Variants in ARMC2 observed in about 807,000 individuals in gnomAD.
ARMC2 encodes armadillo repeat containing 2.
ARMC2 carries 67 observed loss-of-function variants against 90.3 expected under a neutral mutation model. The observed-to-expected ratio is 0.74, with a 90% confidence interval of 0.61 to 0.91. The LOEUF (loss-of-function observed/expected upper bound fraction) is 0.91, where lower values mean the gene tolerates loss of function less well. Ranked by LOEUF, ARMC2 falls within the 40% of genes least tolerant of loss-of-function variation. The pLI, the probability that ARMC2 is intolerant of heterozygous loss-of-function variation, is 0.00. For synonymous variants in ARMC2, 393 were observed against 393.0 expected, an observed-to-expected ratio of 1.00 and a Z score of 0.00; for missense variants, 920 against 1,030.9, an observed-to-expected ratio of 0.89 and a Z score of 1.47.
downstream of ARMC2, among the ~76,000 whole-genome samples, chr6:108,974,969 C>T (rs905199579): frequency 9.3e-5 from 14 of 150,524 alleles, no homozygotes; most frequent in African/African-American, 1.5e-4. Flanking sequence ...CAGCTACTCG[C>T]GAGGCTGAGG....
At chr6:109,044,155 T>TA in the ARMC2 span, among the ~76,000 whole-genome samples, 6 of 144,788 alleles carry the variant, frequency 4.1e-5, no homozygotes, top group African/African-American at 5.1e-5. Context: ...CTACTACAAA[T>TA]AAAAAAAAAA....
intron 13 of ARMC2, among the ~76,000 whole-genome samples, 169 bp from the exon 14 acceptor site, chr6:108,961,403 T>G (rs1777988004): frequency 6.6e-6 from 1 of 152,210 alleles, no homozygotes; most frequent in East Asian, 1.9e-4. Flanking sequence ...GGCATTTCCG[T>G]GCAGGAGGAG....
chr6:108,919,099 A>C (rs938244563), intron 10 of ARMC2, among the ~76,000 whole-genome samples: 3 of 151,170 alleles, frequency 2.0e-5, no homozygotes, highest in Non-Finnish European at 4.4e-5. Flanking sequence ...TCTCAGAGCC[A>C]GCTATTCTTT....
chr6:108,867,478 C>T (rs906585462), intron 3 of ARMC2, among the ~76,000 whole-genome samples: 1 of 152,008 alleles, frequency 6.6e-6, no homozygotes, highest in Admixed American at 6.6e-5. Flanking sequence ...AAAAATAAAA[C>T]ATTTTCGGCT....
At chr6:108,998,890 G>T in the ARMC2 span, 1 of 1,063,622 alleles carries the variant, frequency 9.4e-7, no homozygotes, top group Non-Finnish European at 1.3e-6. Context: ...TTTGAAACAT[G>T]TAGAACCCAG....
At chr6:109,015,803 G>GAA in the ARMC2 span, among the ~76,000 whole-genome samples, 1 of 152,108 alleles carries the variant, frequency 6.6e-6, no homozygotes, top group South Asian at 2.1e-4. Context: ...TATGCAAGTA[G>GAA]AAAATATTTC....
intron 12 of ARMC2, among the ~76,000 whole-genome samples, chr6:108,947,731 C>G (rs950944485): frequency 6.6e-6 from 1 of 151,758 alleles, no homozygotes; most frequent in African/African-American, 2.4e-5. Context: ...ATCTGTTTGT[C>G]TAAGCTCTGG....
chr6:109,027,195 G>C, the ARMC2 span, among the ~76,000 whole-genome samples: 1 of 151,760 alleles, frequency 6.6e-6, no homozygotes. Flanking sequence ...CATCTTGGCT[G>C]GGGGTGGTGG....
Position 108,964,199 on chromosome 6 carries a change from G to A in ARMC2, c.2172G>A (p.Ala724=), listed in dbSNP as rs762725128. 36 of 1,613,682 alleles carry A rather than the reference G, an allele frequency of 2.2e-5. 1 individual carries two copies. In the South Asian group the frequency reaches 2.4e-4, roughly 11 times the overall value. Residue 724 remains alanine, a synonymous_variant, in exon 16 of 18, where the codon GCG becomes GCA. Transcript: ENST00000392644. ...VQNNVHRFMM[A]LLDAQHQDIC... is the part of the protein sequence containing the mutation. ...TCGTAGTCCACAGGTTCATGATGGC[G>A]CTGCTGGATGCTCAGCATCAGGATA... is the stretch of plus-strand genomic sequence containing the variant.
chr6:109,011,876 G>A, the ARMC2 span, among the ~76,000 whole-genome samples: 30 of 152,068 alleles, frequency 2.0e-4, no homozygotes, highest in Admixed American at 4.6e-4. Context: ...CAATTTTCCC[G>A]CCTTTGCCTC....
chr6:108,896,520 G>A (rs1771629405), intron 6 of ARMC2, among the ~76,000 whole-genome samples: 1 of 152,172 alleles, frequency 6.6e-6, no homozygotes, highest in Non-Finnish European at 1.5e-5. Flanking sequence ...CGTGAATGAA[G>A]AGGTGGAAAG....
intron 1 of ARMC2, 111 bp downstream of exon 1, chr6:108,848,657 C>A (rs1184839046): frequency 6.6e-6 from 1 of 152,466 alleles, no homozygotes; most frequent in Non-Finnish European, 1.5e-5. Flanking sequence ...GCTGCCGGGG[C>A]GGCGGCGGGA....
chr6:108,880,793 T>TTC (rs398002573), intron 5 of ARMC2, among the ~76,000 whole-genome samples: 80 of 138,720 alleles, frequency 5.8e-4, no homozygotes, highest in Middle Eastern at 3.5e-3. Flanking sequence ...CCTTCCTTCC[T>TTC]CTCTCTTTCT....
the ARMC2 span, among the ~76,000 whole-genome samples, chr6:108,983,241 G>A: frequency 1.1e-4 from 17 of 152,176 alleles, no homozygotes; most frequent in Admixed American, 1.1e-3. Context: ...TTTTCACTCT[G>A]TTGATTATGT....
At chr6:108,877,539 T>G (rs1777059628) in intron 5 of ARMC2, among the ~76,000 whole-genome samples, 1 of 152,238 alleles carries the variant, frequency 6.6e-6, no homozygotes, top group Non-Finnish European at 1.5e-5. Flanking sequence ...AACATCAAAC[T>G]GGCCATTGCA....
the ARMC2 span, among the ~76,000 whole-genome samples, chr6:109,037,377 CA>C: frequency 6.6e-6 from 1 of 152,046 alleles, no homozygotes; most frequent in Non-Finnish European, 1.5e-5. Flanking sequence ...CCGTAGAAAC[CA>C]TAACACTCCA....
chr6:108,908,238 G>A (rs139600923), intron 8 of ARMC2, among the ~76,000 whole-genome samples: 108 of 152,314 alleles, frequency 7.1e-4, no homozygotes, highest in African/African-American at 2.5e-3. Context: ...TGCAAAGTGT[G>A]AACGACAACA....
the ARMC2 span, among the ~76,000 whole-genome samples, chr6:108,989,994 G>A: frequency 5.9e-5 from 9 of 152,276 alleles, 1 homozygote; most frequent in East Asian, 1.4e-3. Context: ...TGCCAGATCC[G>A]TTTAGAGTAG....
the ARMC2 span, chr6:108,987,499 ATATCT>A: frequency 9.2e-7 from 1 of 1,086,578 alleles, no homozygotes; most frequent in Non-Finnish European, 1.4e-6. Flanking sequence ...CTTGTAGACT[ATATCT>A]GCTGATCATT....
Sources: allele counts gnomAD v4.1 joint callset (sites outside exome capture counted in the v4.1 genomes callset), GRCh38; gene constraint gnomAD v4.1.1; transcripts MANE v1.5; gene names NCBI Gene and HGNC (gene_info 2026-07-23, HGNC 2026-07-21).